Variants in RMND5A observed in about 807,000 individuals in gnomAD.
RMND5A encodes required for meiotic nuclear division 5 homolog A.
In RMND5A, 17 loss-of-function variants were observed where a neutral mutation model predicts 49.7. The ratio of observed to expected loss-of-function variants is 0.34; its 90% CI spans 0.23 to 0.51. The LOEUF is 0.51. RMND5A is among the 20% of genes least tolerant of loss of function. The pLI, the probability that RMND5A is intolerant of heterozygous loss-of-function variation, is 0.96. For synonymous variants in RMND5A, 156 were observed against 167.7 expected, an observed-to-expected ratio of 0.93 and a Z score of 0.54; for missense variants, 255 against 471.3, an observed-to-expected ratio of 0.54 and a Z score of 4.25.
chr2:86,775,412 A>G lies in RMND5A; in HGVS notation c.*2001A>G, dbSNP rs1672752565. On this transcript the variant is annotated 3_prime_UTR_variant, in exon 9 of 9. Coordinates refer to ENST00000283632, the MANE Select transcript of RMND5A (RefSeq NM_022780.4). Reference sequence around the variant, plus strand: ...ATCTTTCCACCCAAACACCTACACAACGTTTAGGCTTCCTGTAAGGTTTGA... The same window carrying G: ...ATCTTTCCACCCAAACACCTACACAGCGTTTAGGCTTCCTGTAAGGTTTGA... 6.8e-6 allele frequency: 1 copy of G among 146,126 alleles called. No individual in the cohort carries two copies. Among genetic ancestry groups the G allele is most frequent in the Admixed American group, 7.0e-5 (1 of 14,198 alleles). The allele number at this position is 146,126 out of a possible 1,614,324, so 9.1% of individuals were successfully genotyped here.
chr2:86,762,045 A>C (rs1003641788), intron 4 of RMND5A, among the ~76,000 whole-genome samples: 2 of 152,204 alleles, frequency 1.3e-5, no homozygotes, highest in East Asian at 3.8e-4. Context: ...TAAAAAAAGG[A>C]AGTTAAGAAA....
At chr2:86,748,820 G>A (rs553492593) in intron 2 of RMND5A, among the ~76,000 whole-genome samples, 4 of 152,242 alleles carry the variant, frequency 2.6e-5, no homozygotes, top group African/African-American at 4.8e-5. Flanking sequence ...GTCTTCCAGC[G>A]TTGTTTTATT....
chr2:86,762,839 G>A (rs4832312), intron 4 of RMND5A, among the ~76,000 whole-genome samples: 1 of 150,730 alleles, frequency 6.6e-6, no homozygotes, highest in South Asian at 2.1e-4. Context: ...CCAGAAGTTC[G>A]AGACCAGCCT....
At chr2:86,767,208 C>T (rs974081052) in intron 6 of RMND5A, among the ~76,000 whole-genome samples, 4 of 151,748 alleles carry the variant, frequency 2.6e-5, no homozygotes, top group Non-Finnish European at 5.9e-5. Flanking sequence ...GGATTACAGG[C>T]GCCTGCCACC....
intron 7 of RMND5A, chr2:86,771,347 C>T: frequency 2.2e-6 from 1 of 462,034 alleles, no homozygotes; most frequent in East Asian, 3.1e-5. Context: ...TGTTTTTACA[C>T]TTTGTCAGCT....
chr2:86,742,809 C>G (rs1573432550), intron 2 of RMND5A, among the ~76,000 whole-genome samples: 1 of 150,260 alleles, frequency 6.7e-6, no homozygotes, highest in Non-Finnish European at 1.5e-5. Flanking sequence ...AGAAGGTCAG[C>G]ATTTGGACAG....
intron 4 of RMND5A, among the ~76,000 whole-genome samples, chr2:86,758,320 T>C (rs548819408): frequency 2.2e-4 from 33 of 152,316 alleles, no homozygotes; most frequent in African/African-American, 7.9e-4. Context: ...GCTTTTTACT[T>C]GAAAAATTTT....
intron 1 of RMND5A, among the ~76,000 whole-genome samples, chr2:86,721,622 C>T (rs1457619133): frequency 5.3e-5 from 8 of 150,586 alleles, no homozygotes; most frequent in African/African-American, 1.5e-4. Context: ...TTTTTTTTTA[C>T]TGCCCCAAGC....
intron 1 of RMND5A, 65 bp downstream of exon 1, chr2:86,720,874 G>C (rs1681195479): frequency 1.4e-6 from 2 of 1,449,390 alleles, no homozygotes; most frequent in Admixed American, 2.4e-5. Context: ...CCGGCCCCGC[G>C]GCGGGAATCC....
intron 4 of RMND5A, among the ~76,000 whole-genome samples, chr2:86,762,655 A>T (rs1416405585): frequency 3.7e-4 from 39 of 105,288 alleles, no homozygotes; most frequent in Non-Finnish European, 5.8e-4. Context: ...AAAAAAAAAA[A>T]ATATTTTTTT....
chr2:86,772,007 T>G (rs1672692777), intron 8 of RMND5A, among the ~76,000 whole-genome samples: 1 of 152,254 alleles, frequency 6.6e-6, no homozygotes, highest in Admixed American at 6.5e-5. Context: ...ACTTTGCTGT[T>G]TTCACTTAGT....
At chr2:86,750,468 G>A (rs1451020924) in intron 2 of RMND5A, among the ~76,000 whole-genome samples, 4 of 151,396 alleles carry the variant, frequency 2.6e-5, no homozygotes, top group African/African-American at 9.7e-5. Context: ...TGAGAAATCT[G>A]TAGTCATTTG....
At position 86,773,585 on chromosome 2, in the gene RMND5A, A is replaced by G. The variant is rs964637690; in HGVS notation, c.*174A>G. ...ACACTGAGGGGAGTGCTCCCGGTGAATATTATCATAGGGCTTTATTATATT... is the reference window on the plus strand; with the variant it reads ...ACACTGAGGGGAGTGCTCCCGGTGAGTATTATCATAGGGCTTTATTATATT... On this transcript the variant is annotated 3_prime_UTR_variant, in exon 9 of 9. Coordinates refer to ENST00000283632, the MANE Select transcript of RMND5A (RefSeq NM_022780.4). 1.1e-5 allele frequency: 5 copies of G among 464,448 alleles called. No homozygotes were observed. The highest frequency in any genetic ancestry group is 6.3e-5 in the East Asian group (2 of 31,640). 28.8% of individuals were successfully genotyped at this position (464,448 alleles called of 1,614,324 possible).
At position 86,773,525 on chromosome 2, in the gene RMND5A, T is replaced by C. The variant is rs1558728699; in HGVS notation, c.*114T>C. ...GGACTCCTGTGTTTCTATAAGCTAA[T>C]GCTCCAGAAACTTTGCCAACCTGTT... On this transcript the variant is annotated 3_prime_UTR_variant, in exon 9 of 9. Coordinates refer to ENST00000283632, the MANE Select transcript of RMND5A (RefSeq NM_022780.4). 5.9e-6 allele frequency: 4 copies of C among 683,176 alleles called. No homozygotes were observed. The highest frequency in any genetic ancestry group is 1.0e-5 in the Non-Finnish European group (4 of 381,634). The allele number at this position is 683,176 out of a possible 1,614,324, so 42.3% of individuals were successfully genotyped here.
chr2:86,770,091 G>A lies in RMND5A; in HGVS notation c.923G>A (p.Cys308Tyr), dbSNP rs1206395660. Residue 308 changes from cysteine (C) to tyrosine (Y), a missense_variant, in exon 7 of 9, where the codon TGT becomes TAT. This residue lies in a region of RMND5A where 208 missense variants were observed against 339.8 expected (regional missense o/e 0.61). Coordinates refer to ENST00000283632, the MANE Select transcript of RMND5A (RefSeq NM_022780.4). ...NIKAVIEQRQCTGVWNQKDEL... is the reference protein window; with the variant it reads ...NIKAVIEQRQYTGVWNQKDEL... Reference sequence around the variant, plus strand: ...AAAGCCGTGATTGAACAGAGGCAGTGTACTGGAGTTTGGAACCAGAAAGAT... The same window carrying A: ...AAAGCCGTGATTGAACAGAGGCAGTATACTGGAGTTTGGAACCAGAAAGAT... The A allele has an allele frequency of 6.2e-7, 1 of 1,614,026 alleles. No individual in the cohort carries two copies. The highest frequency in any genetic ancestry group is 1.7e-5 in the Admixed American group (1 of 60,022).
intron 4 of RMND5A, among the ~76,000 whole-genome samples, chr2:86,759,924 C>T (rs964365411): frequency 7.9e-5 from 12 of 152,216 alleles, no homozygotes; most frequent in Non-Finnish European, 1.5e-4. Flanking sequence ...GGGCCACAGA[C>T]ACCCTGACTT....
chr2:86,764,548 C>T (rs2104407517), intron 4 of RMND5A, among the ~76,000 whole-genome samples: 1 of 152,268 alleles, frequency 6.6e-6, no homozygotes, highest in East Asian at 1.9e-4. Flanking sequence ...ATTGAAAGCA[C>T]CTTGAGGGGA....
intron 1 of RMND5A, among the ~76,000 whole-genome samples, chr2:86,733,936 TTG>T (rs1439177287): frequency 3.3e-5 from 5 of 150,224 alleles, no homozygotes; most frequent in Admixed American, 6.6e-5. Flanking sequence ...TAGAAGCAGG[TTG>T]TGTTTTCATA....
At chr2:86,762,587 G>T (rs561946183) in intron 4 of RMND5A, among the ~76,000 whole-genome samples, 1 of 151,468 alleles carries the variant, frequency 6.6e-6, no homozygotes, top group Non-Finnish European at 1.5e-5. Flanking sequence ...GAAGGTTGCA[G>T]TGAGCTGAGA....
Sources: allele counts gnomAD v4.1 joint callset (sites outside exome capture counted in the v4.1 genomes callset), GRCh38; gene constraint gnomAD v4.1.1; regional missense constraint gnomAD v4.1.1; transcripts MANE v1.5; gene names NCBI Gene and HGNC (gene_info 2026-07-23, HGNC 2026-07-21).